The following NCKAP5 variants were observed in gnomAD, a reference collection of about 807,000 sequenced individuals.
The protein encoded by NCKAP5 is nck-associated protein 5.
NCKAP5 carries 92 observed loss-of-function variants against 167.0 expected under a neutral mutation model. The ratio of observed to expected loss-of-function variants is 0.55; its 90% CI spans 0.47 to 0.66. NCKAP5 has a LOEUF of 0.66. Ranked by LOEUF, NCKAP5 falls within the 30% of genes least tolerant of loss-of-function variation. NCKAP5 has a pLI of 0.00. For synonymous variants in NCKAP5, 891 were observed against 877.4 expected (o/e 1.02, Z -0.27); for missense variants, 2,378 against 2,315.0 (o/e 1.03, Z -0.56).
the NCKAP5 span, among the ~76,000 whole-genome samples, chr2:133,672,072 A>G: frequency 1.3e-5 from 2 of 152,222 alleles, no homozygotes; most frequent in African/African-American, 2.4e-5. Flanking sequence ...GTGATGAAAG[A>G]TGAGGAAAGA....
chr2:133,650,839 A>G, the NCKAP5 span, among the ~76,000 whole-genome samples: 1 of 152,162 alleles, frequency 6.6e-6, no homozygotes, highest in Non-Finnish European at 1.5e-5. Context: ...CTGAGATTGC[A>G]CCACTGCACT....
chr2:133,088,287 A>G (rs934472513), intron 6 of NCKAP5, among the ~76,000 whole-genome samples: 1 of 152,196 alleles, frequency 6.6e-6, no homozygotes, highest in African/African-American at 2.4e-5. Context: ...ACATTTTTGC[A>G]GAAGCCCCTT....
chr2:133,178,693 C>T (rs1389404766), intron 5 of NCKAP5, among the ~76,000 whole-genome samples: 3 of 147,916 alleles, frequency 2.0e-5, no homozygotes, highest in Non-Finnish European at 3.0e-5. Context: ...GGCGCGGTGG[C>T]GGGCACCTGT....
chr2:133,441,549 A>G (rs1378005149), intron 3 of NCKAP5, among the ~76,000 whole-genome samples: 6 of 152,380 alleles, frequency 3.9e-5, no homozygotes, highest in African/African-American at 1.4e-4. Context: ...CAAATTGCCC[A>G]TGTAATCACA....
chr2:132,900,816 C>G (rs1055194076), intron 8 of NCKAP5, among the ~76,000 whole-genome samples: 5 of 151,790 alleles, frequency 3.3e-5, no homozygotes, highest in Admixed American at 3.3e-4. Flanking sequence ...AAAAATTAGC[C>G]AGGCATGGTG....
At chr2:133,386,348 T>C (rs1383635182) in intron 3 of NCKAP5, among the ~76,000 whole-genome samples, 2 of 152,246 alleles carry the variant, frequency 1.3e-5, no homozygotes, top group East Asian at 1.9e-4. Flanking sequence ...TTCCATGTAG[T>C]TGAGCAGTTT....
chr2:132,793,660 T>A (rs903228273), intron 12 of NCKAP5, among the ~76,000 whole-genome samples: 7 of 152,204 alleles, frequency 4.6e-5, no homozygotes, highest in Admixed American at 3.9e-4. Context: ...CCTCACTGTC[T>A]GACATGGGCT....
At chr2:133,585,026 A>G in the NCKAP5 span, among the ~76,000 whole-genome samples, 1 of 145,862 alleles carries the variant, frequency 6.9e-6, no homozygotes, top group Non-Finnish European at 1.5e-5. Context: ...AAAAGAAAAG[A>G]AAGTAAAGAA....
Position 132,873,055 on chromosome 2 carries a change from C to T in NCKAP5, c.649-4081G>A, listed in dbSNP as rs1034005105. On this transcript the variant is annotated intron_variant, in intron 9 of 19. Coordinates refer to ENST00000409261, the MANE Select transcript of NCKAP5 (RefSeq NM_207363.3). ...AATGTGAATCAGGCCAGTTGAACTTCGGAAAATATAATGCATGTTCAGGTA... is the reference window on the plus strand; with the variant it reads ...AATGTGAATCAGGCCAGTTGAACTTTGGAAAATATAATGCATGTTCAGGTA... Among the ~76,000 whole-genome samples, 5 of 151,990 alleles carry T rather than the reference C, an allele frequency of 3.3e-5. No individual in the cohort carries two copies. In the South Asian group the frequency reaches 6.2e-4, roughly 19 times the overall value.
At chr2:132,682,938 G>A (rs1685433405) in intron 19 of NCKAP5, among the ~76,000 whole-genome samples, 1 of 150,068 alleles carries the variant, frequency 6.7e-6, no homozygotes, top group Non-Finnish European at 1.5e-5. Context: ...AGGCTGGAGT[G>A]CAGTGATGCG....
chr2:133,441,092 A>G (rs955603786), intron 3 of NCKAP5, among the ~76,000 whole-genome samples: 2 of 51,994 alleles, frequency 3.8e-5, no homozygotes, highest in Non-Finnish European at 7.0e-5. Flanking sequence ...AGACACACAC[A>G]CTCACACACA....
At chr2:133,671,760 A>G in the NCKAP5 span, among the ~76,000 whole-genome samples, 2 of 152,046 alleles carry the variant, frequency 1.3e-5, no homozygotes, top group Admixed American at 6.6e-5. Flanking sequence ...AACAACAACA[A>G]CAAAATGGAC....
chr2:133,214,830 T>C (rs773397086), intron 4 of NCKAP5, among the ~76,000 whole-genome samples: 3 of 152,172 alleles, frequency 2.0e-5, no homozygotes, highest in Non-Finnish European at 4.4e-5. Flanking sequence ...GGATCAGCTA[T>C]ATGCAATCAG....
At chr2:133,518,412 T>C (rs1339762174) in intron 2 of NCKAP5, among the ~76,000 whole-genome samples, 1 of 126,144 alleles carries the variant, frequency 7.9e-6, no homozygotes, top group African/African-American at 3.0e-5. Context: ...TGGAGTACAG[T>C]GGCACGATCT....
At chr2:133,657,335 T>C in the NCKAP5 span, among the ~76,000 whole-genome samples, 11 of 152,050 alleles carry the variant, frequency 7.2e-5, no homozygotes, top group East Asian at 2.1e-3. Context: ...GAAGGGGAGG[T>C]GTTCAAACCA....
At chr2:133,546,684 A>G (rs552658040) in intron 2 of NCKAP5, among the ~76,000 whole-genome samples, 18 of 152,168 alleles carry the variant, frequency 1.2e-4, no homozygotes, top group African/African-American at 4.3e-4. Flanking sequence ...CAAAACAAAA[A>G]AACAAAACAA....
chr2:132,992,305 T>C lies in NCKAP5; in HGVS notation c.429+1847A>G, dbSNP rs181608552. Among the ~76,000 whole-genome samples, 167 of 152,340 alleles carry C rather than the reference T, an allele frequency of 1.1e-3. 1 individual carries two copies. Among genetic ancestry groups the C allele is most frequent in the African/African-American group, 3.9e-3 (163 of 41,598 alleles). On this transcript the variant is annotated intron_variant, in intron 7 of 19. Transcript: ENST00000409261. ...TAAAACACGTTTCTTAAAGCATATCTGTTTTTCTAAGCAGCTTTCCGTTTC... is the reference window on the plus strand; with the variant it reads ...TAAAACACGTTTCTTAAAGCATATCCGTTTTTCTAAGCAGCTTTCCGTTTC...
At chr2:132,835,755 A>G (rs1469576929) in intron 11 of NCKAP5, among the ~76,000 whole-genome samples, 1 of 152,018 alleles carries the variant, frequency 6.6e-6, no homozygotes, top group East Asian at 1.9e-4. Context: ...AATTAATTTT[A>G]TTTTATCCAA....
intron 3 of NCKAP5, among the ~76,000 whole-genome samples, chr2:133,411,924 T>C (rs1688797241): frequency 6.6e-6 from 1 of 152,192 alleles, no homozygotes; most frequent in African/African-American, 2.4e-5. Flanking sequence ...TGAGAATGAT[T>C]ACTGTCATCT....
Sources: allele counts gnomAD v4.1 joint callset (sites outside exome capture counted in the v4.1 genomes callset), GRCh38; gene constraint gnomAD v4.1.1; transcripts MANE v1.5; gene names NCBI Gene and HGNC (gene_info 2026-07-23, HGNC 2026-07-21).